Variants in INTS2 observed in about 807,000 individuals in gnomAD.
The protein encoded by INTS2 is KIAA1287.
INTS2 carries 57 observed loss-of-function variants against 139.6 expected under a neutral mutation model. The ratio of observed to expected loss-of-function variants is 0.41; its 90% CI spans 0.33 to 0.51. The LOEUF (loss-of-function observed/expected upper bound fraction) is 0.51, where lower values mean the gene tolerates loss of function less well. Ranked by LOEUF, INTS2 falls within the 20% of genes least tolerant of loss-of-function variation. The pLI is 0.28. For missense variants in INTS2, 1,196 were observed against 1,436.7 expected (o/e 0.83, Z 2.71); for synonymous variants, 473 against 493.4 (o/e 0.96, Z 0.55).
chr17:61,891,224 GAC>G (rs1274593492), intron 14 of INTS2, among the ~76,000 whole-genome samples: 3 of 151,828 alleles, frequency 2.0e-5, no homozygotes, highest in African/African-American at 7.2e-5. Context: ...GAACCCGGCA[GAC>G]AGAGGTTGCA....
chr17:61,922,890 T>C (rs772309179), intron 3 of INTS2, among the ~76,000 whole-genome samples: 20 of 151,668 alleles, frequency 1.3e-4, no homozygotes, highest in Non-Finnish European at 2.9e-4. Flanking sequence ...CCAGCCTGGC[T>C]AACATGGTGA....
Position 61,876,760 on chromosome 17 carries a change from A to G in INTS2, c.2456+1127T>C, listed in dbSNP as rs1279511392. ...ACCCAGCCAAAAAAATGTTAATGAT[A>G]CATTATCTGATGTGTTATGATTAAG... On this transcript the variant is annotated intron_variant, in intron 18 of 24. Transcript: ENST00000251334. This position sits in a 1 kb window ranked among gnomAD's most constrained non-coding sequence, Gnocchi z 4.1. 6.6e-6 allele frequency among the ~76,000 whole-genome samples: 1 copy of G among 152,138 alleles called. No individual in the cohort carries two copies. The highest frequency in any genetic ancestry group is 1.5e-5 in the Non-Finnish European group (1 of 68,018).
chr17:61,867,312 G>GAA lies in INTS2; in HGVS notation c.*243_*244dup. 1.9e-4 allele frequency: 45 copies of GAA among 239,926 alleles called. No individual in the cohort carries two copies. The highest frequency in any genetic ancestry group is 4.5e-4 in the South Asian group (3 of 6,608). The allele number at this position is 239,926 out of a possible 1,614,324, so 14.9% of individuals were successfully genotyped here. A position where few individuals can be genotyped will look rare whatever the true frequency, so the allele number is the denominator to read the frequency against. ...GAGTTTCTTACATGTGTTCCCAGTG[G>GAA]AAAAAAAAAAAGCTCAGCTGCTACA... On this transcript the variant is annotated 3_prime_UTR_variant, in exon 25 of 25. Transcript: ENST00000251334. The surrounding 1 kb of genome is among the most constrained non-coding windows in gnomAD (Gnocchi z 5.6).
chr17:61,881,021 T>C lies in INTS2; in HGVS notation c.2240A>G (p.Lys747Arg). Residue 747 changes from lysine (K) to arginine (R), a missense_variant, in exon 17 of 25, where the codon AAA (lysine) becomes AGA (arginine). Transcript: ENST00000251334. ...ATTTACTATACCTTCTTGGAGTTGT[T>C]TGGGAGAATGATTTTTAGCATTATT... is the stretch of plus-strand genomic sequence containing the variant. The part of the protein sequence containing the change: ...LTNNAKNHSP[K>R]QLQEAFSAVP... The C allele has an allele frequency of 1.2e-6, 2 of 1,613,642 alleles. No individual in the cohort carries two copies. Among genetic ancestry groups the C allele is most frequent in the Non-Finnish European group, 1.7e-6 (2 of 1,179,618 alleles).
At position 61,911,673 on chromosome 17, in the gene INTS2, T is replaced by A. The variant is rs747382903; in HGVS notation, c.801A>T (p.Pro267=). The part of the protein sequence containing the change: ...RGMVVEECHL[P]GLGVALTLDH... ...CCAATGTCAAAGCCACACCAAGGCC[T>A]GGCAAGTGACATTCTTCCACCTAGC... Residue 267 remains proline, a synonymous_variant, in exon 7 of 25, where the codon CCA becomes CCT. Transcript: ENST00000251334. 1 of 1,613,430 alleles carries A rather than the reference T, an allele frequency of 6.2e-7. No individual in the cohort carries two copies. The highest frequency in any genetic ancestry group is 2.2e-5 in the East Asian group (1 of 44,872).
At chr17:61,922,045 T>C (rs1044887910) in intron 3 of INTS2, among the ~76,000 whole-genome samples, 3 of 152,194 alleles carry the variant, frequency 2.0e-5, no homozygotes, top group Non-Finnish European at 2.9e-5. Context: ...TCTCAAGAAC[T>C]GATTTCTATC....
intron 9 of INTS2, among the ~76,000 whole-genome samples, chr17:61,899,689 T>C (rs1320335409): frequency 6.6e-6 from 1 of 152,056 alleles, no homozygotes; most frequent in African/African-American, 2.4e-5. Context: ...GACAGGAGGA[T>C]AGCTTGAGCC....
At chr17:61,925,991 A>C (rs1603385369) in intron 2 of INTS2, among the ~76,000 whole-genome samples, 1 of 151,850 alleles carries the variant, frequency 6.6e-6, no homozygotes, top group African/African-American at 2.4e-5. Context: ...ACGCCATTGC[A>C]CTCCAGCCTG....
intron 5 of INTS2, among the ~76,000 whole-genome samples, chr17:61,917,139 G>C (rs769851278): frequency 6.6e-6 from 1 of 152,130 alleles, no homozygotes; most frequent in Non-Finnish European, 1.5e-5. Context: ...AAAATAATAG[G>C]TGCTAGCGAG....
intron 5 of INTS2, among the ~76,000 whole-genome samples, chr17:61,916,264 C>G (rs571351112): frequency 5.3e-5 from 8 of 152,010 alleles, no homozygotes; most frequent in African/African-American, 1.9e-4. Context: ...GAAACCCCAT[C>G]TCTACTAAAA....
rs2079076676 is a variant in INTS2, at chr17:61,870,007, TA to T, written c.2779-20del. ...CACTATCCTATAAGCAAACAAAACA[TA>T]GAAAAAGTAAGAAGTTTCTAAGAAG... On this transcript the variant is annotated intron_variant, in intron 20 of 24. Coordinates refer to ENST00000251334, the MANE Select transcript of INTS2 (RefSeq NM_001351695.2). The surrounding 1 kb of genome is among the most constrained non-coding windows in gnomAD (Gnocchi z 4.4). The T allele has an allele frequency of 6.3e-7, 1 of 1,579,756 alleles. No individual in the cohort carries two copies.
At chr17:61,878,944 A>AAAAAAAAAAAAAAC (rs2079151408) in intron 17 of INTS2, among the ~76,000 whole-genome samples, 1 of 137,274 alleles carries the variant, frequency 7.3e-6, no homozygotes, top group African/African-American at 3.5e-5. Flanking sequence ...AAAAAAAAAA[A>AAAAAAAAAAAAAAC]AAAAAAAAAA....
At position 61,927,743 on chromosome 17, in the gene INTS2, T is replaced by G; in HGVS notation, c.-108A>C. On this transcript the variant is annotated 5_prime_UTR_variant, in exon 1 of 25. Coordinates refer to ENST00000251334, the MANE Select transcript of INTS2 (RefSeq NM_001351695.2). Reference sequence around the variant, plus strand: ...GGCAGAAATCGAGAGCGCGGTCCGATGTTGGGCCTAGGCGATATCCGGAAC... The same window carrying G: ...GGCAGAAATCGAGAGCGCGGTCCGAGGTTGGGCCTAGGCGATATCCGGAAC... The G allele has an allele frequency of 2.7e-6, 4 of 1,498,610 alleles. No individual in the cohort carries two copies. Among genetic ancestry groups the G allele is most frequent in the Non-Finnish European group, 3.5e-6 (4 of 1,127,128 alleles). 92.8% of individuals were successfully genotyped at this position (1,498,610 alleles called of 1,614,324 possible).
intron 3 of INTS2, among the ~76,000 whole-genome samples, chr17:61,923,282 C>G (rs2143180281): frequency 6.6e-6 from 1 of 151,342 alleles, no homozygotes; most frequent in South Asian, 2.1e-4. Flanking sequence ...TCGAGACCAT[C>G]CTGGCTAACA....
chr17:61,885,178 A>G, intron 15 of INTS2, 173 bp from the exon 16 acceptor site: 1 of 588,532 alleles, frequency 1.7e-6, no homozygotes. Context: ...CTACACAGGA[A>G]GAACAAGAAC....
chr17:61,906,113 C>CAAT (rs2079460210), intron 8 of INTS2, among the ~76,000 whole-genome samples: 1 of 152,074 alleles, frequency 6.6e-6, no homozygotes, highest in South Asian at 2.1e-4. Flanking sequence ...AGAAAGGAAG[C>CAAT]AATACAGGTT....
At chr17:61,908,422 A>C (rs1195291182) in intron 7 of INTS2, among the ~76,000 whole-genome samples, 1 of 152,188 alleles carries the variant, frequency 6.6e-6, no homozygotes, top group Non-Finnish European at 1.5e-5. Flanking sequence ...TCTCAAAAAA[A>C]ACAAAAGAGT....
chr17:61,881,130 G>T lies in INTS2; in HGVS notation c.2131C>A (p.Pro711Thr). The T allele has an allele frequency of 6.2e-7, 1 of 1,613,360 alleles. No homozygotes were observed. Among genetic ancestry groups the T allele is most frequent in the Middle Eastern group, 1.6e-4 (1 of 6,062 alleles). ...ALLRLLATNY[P>T]HLCIVDDWIC... ...CAGTCATCCACAATACATAAATGTGGGTAGTTAGTAGCAAGGAGACGTAGT... is the reference window on the plus strand; with the variant it reads ...CAGTCATCCACAATACATAAATGTGTGTAGTTAGTAGCAAGGAGACGTAGT... The change falls in exon 17 of 25, where the codon CCA becomes ACA. Residue 711 changes from proline (P) to threonine (T), a missense_variant. By Grantham distance (38) the Pro-to-Thr change is conservative (BLOSUM62 -1). Around this residue, in one of 3 missense-constraint regions of INTS2, gnomAD observed 1,129 missense variants for 1,341.9 expected, o/e 0.84. Coordinates refer to ENST00000251334, the MANE Select transcript of INTS2 (RefSeq NM_001351695.2).
At chr17:61,878,527 G>T (rs540816035) in intron 17 of INTS2, among the ~76,000 whole-genome samples, 238 of 152,084 alleles carry the variant, frequency 1.6e-3, no homozygotes, top group African/African-American at 5.5e-3. Context: ...TTGCACCAGC[G>T]CACTCCAGCC....
Sources: allele counts gnomAD v4.1 joint callset (sites outside exome capture counted in the v4.1 genomes callset), GRCh38; gene constraint gnomAD v4.1.1; regional missense constraint gnomAD v4.1.1; non-coding constraint Gnocchi (gnomAD v3.1); transcripts MANE v1.5; gene names NCBI Gene and HGNC (gene_info 2026-07-23, HGNC 2026-07-21).